The following TACR1 variants were observed in gnomAD, a reference collection of about 807,000 sequenced individuals.
The protein encoded by TACR1 is tachykinin receptor 1.
Under a neutral mutation model 35.8 loss-of-function variants are expected in TACR1, and 25 were observed. The ratio of observed to expected loss-of-function variants is 0.70; its 90% CI spans 0.51 to 0.98. The LOEUF (loss-of-function observed/expected upper bound fraction) is 0.98. Ranked by LOEUF, TACR1 falls within the 50% of genes least tolerant of loss-of-function variation. The pLI is 0.00. For synonymous variants in TACR1, 195 were observed against 206.7 expected (o/e 0.94, Z 0.48); for missense variants, 478 against 522.9 (o/e 0.91, Z 0.84).
chr2:75,084,978 T>A (rs533715355), intron 2 of TACR1, among the ~76,000 whole-genome samples: 1 of 152,328 alleles, frequency 6.6e-6, no homozygotes, highest in South Asian at 2.1e-4. Context: ...AGCTTTTGAA[T>A]GTGTTTGCTC....
chr2:75,055,755 A>C (rs1261900182), intron 2 of TACR1, among the ~76,000 whole-genome samples: 1 of 152,168 alleles, frequency 6.6e-6, no homozygotes, highest in African/African-American at 2.4e-5. Context: ...GTGGCCCTCA[A>C]ACTCGAGTGG....
chr2:75,116,725 A>G (rs1045479992), intron 2 of TACR1, among the ~76,000 whole-genome samples: 1 of 151,968 alleles, frequency 6.6e-6, no homozygotes, highest in Non-Finnish European at 1.5e-5. Flanking sequence ...TCTGGCCAAC[A>G]TGGTGAAACC....
At position 75,053,621 on chromosome 2, in the gene TACR1, A is replaced by C; in HGVS notation, c.719T>G (p.Val240Gly). 1.3e-6 allele frequency: 2 copies of C among 1,559,048 alleles called. No individual in the cohort carries two copies. Among genetic ancestry groups the C allele is most frequent in the Non-Finnish European group, 1.7e-6 (2 of 1,153,262 alleles). The change falls in exon 3 of 5, where the codon GTC (valine) becomes GGC (glycine). Residue 240 changes from valine to glycine, a missense_variant. Physicochemically the swap from Val to Gly is moderately radical, Grantham distance 109. Transcript: ENST00000305249. The part of the protein sequence containing the change: ...GDSSDRYHEQ[V>G]SAKRKVVKMM... Reference sequence around the variant, plus strand: ...CCTGCTCACCTTGCGCTTGGCAGAGACTTGCTCGTGGTAGCGGTCAGAGGA... The same window carrying C: ...CCTGCTCACCTTGCGCTTGGCAGAGCCTTGCTCGTGGTAGCGGTCAGAGGA...
chr2:75,061,474 G>A (rs993385156), intron 2 of TACR1, among the ~76,000 whole-genome samples: 1 of 152,114 alleles, frequency 6.6e-6, no homozygotes, highest in African/African-American at 2.4e-5. Flanking sequence ...GCCAAGGGCC[G>A]AAGGAAGCTG....
At chr2:75,187,806 C>T (rs548616714) in intron 1 of TACR1, 9 of 152,246 alleles carry the variant, frequency 5.9e-5, no homozygotes, top group African/African-American at 1.7e-4. Flanking sequence ...CCAACAAAAA[C>T]GAGGGAAATA....
chr2:75,049,700 G>T lies in TACR1; in HGVS notation c.956C>A (p.Ala319Asp), dbSNP rs754766562. The change falls in exon 5 of 5, where the codon GCC (alanine) becomes GAC (aspartate). Residue 319 changes from alanine (A) to aspartate (D), a missense_variant. Physicochemically the swap from Ala to Asp is moderately radical, Grantham distance 126 (BLOSUM62 -2). Coordinates refer to ENST00000305249, the MANE Select transcript of TACR1 (RefSeq NM_001058.4). ...NDRFRLGFKHAFRCCPFISAG... is the reference protein window; with the variant it reads ...NDRFRLGFKHDFRCCPFISAG... ...GCTGATGAAGGGGCAGCACCGGAAG[G>T]CATGCTTGAAGCCCAGACGGAACCT... 6.2e-7 allele frequency: 1 copy of T among 1,613,742 alleles called. No homozygotes were observed. The highest frequency in any genetic ancestry group is 1.1e-5 in the South Asian group (1 of 91,072).
intron 2 of TACR1, among the ~76,000 whole-genome samples, chr2:75,095,892 C>T (rs1304656798): frequency 1.3e-5 from 2 of 152,156 alleles, no homozygotes; most frequent in African/African-American, 2.4e-5. Context: ...CACCTAAGTT[C>T]CTGACTAAGG....
chr2:75,148,635 G>A (rs1053289063), intron 1 of TACR1, among the ~76,000 whole-genome samples: 3 of 151,582 alleles, frequency 2.0e-5, no homozygotes, highest in African/African-American at 7.3e-5. Context: ...TTTGTCAGAT[G>A]GGTAGATTGC....
intron 2 of TACR1, among the ~76,000 whole-genome samples, chr2:75,068,640 C>T (rs973310355): frequency 1.3e-5 from 2 of 152,194 alleles, no homozygotes; most frequent in Non-Finnish European, 2.9e-5. Context: ...ATTCAGTTCT[C>T]CCAACAGCAA....
intron 2 of TACR1, among the ~76,000 whole-genome samples, chr2:75,079,705 A>G (rs1274246045): frequency 6.7e-6 from 1 of 150,158 alleles, no homozygotes; most frequent in Non-Finnish European, 1.5e-5. Context: ...CATCTCAGGA[A>G]AAGTCCAAAC....
intron 2 of TACR1, among the ~76,000 whole-genome samples, chr2:75,108,564 T>A (rs1053644260): frequency 6.6e-6 from 1 of 152,162 alleles, no homozygotes; most frequent in Non-Finnish European, 1.5e-5. Context: ...GGTGAAGTAT[T>A]GTAGGTGTTT....
intron 2 of TACR1, among the ~76,000 whole-genome samples, chr2:75,083,402 A>G (rs1196896480): frequency 6.6e-6 from 1 of 152,054 alleles, no homozygotes; most frequent in East Asian, 1.9e-4. Flanking sequence ...TTGACTTGGC[A>G]ATGTGGGCTC....
chr2:75,092,856 C>G (rs1673337307), intron 2 of TACR1, among the ~76,000 whole-genome samples: 3 of 152,174 alleles, frequency 2.0e-5, no homozygotes, highest in Admixed American at 2.0e-4. Context: ...ATCTGGTTCA[C>G]TAGACCAATC....
At chr2:75,100,317 G>A (rs1471887506) in intron 2 of TACR1, among the ~76,000 whole-genome samples, 1 of 152,220 alleles carries the variant, frequency 6.6e-6, no homozygotes, top group East Asian at 1.9e-4. Flanking sequence ...AACATCATAG[G>A]TGCATAATGA....
At chr2:75,141,841 A>C (rs1050104824) in intron 1 of TACR1, among the ~76,000 whole-genome samples, 4 of 151,768 alleles carry the variant, frequency 2.6e-5, no homozygotes, top group African/African-American at 9.7e-5. Flanking sequence ...GCTTTAGTAG[A>C]CTCTCTCTGG....
intron 2 of TACR1, among the ~76,000 whole-genome samples, chr2:75,075,605 T>C (rs2103823192): frequency 6.6e-6 from 1 of 152,174 alleles, no homozygotes; most frequent in East Asian, 1.9e-4. Context: ...TTTAGGAAAA[T>C]AAGGCAGAAT....
intron 2 of TACR1, among the ~76,000 whole-genome samples, chr2:75,057,181 G>T (rs1048467099): frequency 6.6e-6 from 1 of 152,154 alleles, no homozygotes; most frequent in Non-Finnish European, 1.5e-5. Flanking sequence ...AGTGAAAATG[G>T]TCTGTTCCTG....
chr2:75,173,992 C>G (rs1675352339), intron 1 of TACR1, among the ~76,000 whole-genome samples: 5 of 152,166 alleles, frequency 3.3e-5, no homozygotes, highest in African/African-American at 1.2e-4. Context: ...AACACTGCAG[C>G]TCAGGAACAA....
At position 75,051,321 on chromosome 2, in the gene TACR1, G is replaced by T. The variant is rs892485171; in HGVS notation, c.862C>A (p.Leu288Met). ...YLKKFIQQVY[L>M]AIMWLAMSST... ...CTCATGGCCAGCCACATGATGGCCA[G>T]GTAGACCTGCTGGATAAACTTCTTC... The change falls in exon 4 of 5, where the codon CTG becomes ATG. Residue 288 changes from leucine to methionine, a missense_variant. Coordinates refer to ENST00000305249, the MANE Select transcript of TACR1 (RefSeq NM_001058.4). The T allele has an allele frequency of 6.2e-7, 1 of 1,614,234 alleles. No homozygotes were observed. Among genetic ancestry groups the T allele is most frequent in the Non-Finnish European group, 8.5e-7 (1 of 1,180,038 alleles).
Sources: gnomAD v4.1 joint callset for allele counts (sites outside exome capture counted in the v4.1 genomes callset) on GRCh38, gnomAD v4.1.1 for gene constraint, MANE v1.5 for transcripts, NCBI Gene and HGNC (gene_info 2026-07-23, HGNC 2026-07-21) for gene names.